NYAP2: variants seen among roughly 807,000 people sequenced by gnomAD.
NYAP2 encodes the protein neuronal tyrosine-phosphorylated phosphoinositide-3-kinase adapter 2.
In NYAP2, 23 loss-of-function variants were observed where a neutral mutation model predicts 50.4. The ratio of observed to expected loss-of-function variants is 0.46; its 90% CI spans 0.33 to 0.65. The LOEUF (loss-of-function observed/expected upper bound fraction) is 0.65. NYAP2 is among the 30% of genes least tolerant of loss of function. The probability of loss-of-function intolerance (pLI) is 0.02; values close to 1 mark genes in which losing one functional copy is unlikely to be tolerated. For synonymous variants in NYAP2, 394 were observed against 365.2 expected (o/e 1.08, Z -0.90); for missense variants, 885 against 861.0 (o/e 1.03, Z -0.35).
chr2:225,455,691 A>T (rs1381865182), intron 3 of NYAP2, among the ~76,000 whole-genome samples: 1 of 152,226 alleles, frequency 6.6e-6, no homozygotes. Context: ...AAGAATATGG[A>T]ATATTGACAT....
intron 3 of NYAP2, among the ~76,000 whole-genome samples, chr2:225,446,718 A>G (rs1326282513): frequency 1.3e-5 from 2 of 152,168 alleles, no homozygotes; most frequent in Admixed American, 6.5e-5. Context: ...CTTCAAAGCA[A>G]CTGTAATTTT....
At chr2:225,495,255 T>G (rs1041010557) in intron 3 of NYAP2, among the ~76,000 whole-genome samples, 1 of 152,106 alleles carries the variant, frequency 6.6e-6, no homozygotes, top group African/African-American at 2.4e-5. Flanking sequence ...CACTATGAAG[T>G]GAATTTGGGG....
chr2:225,684,787 G>A, the NYAP2 span, among the ~76,000 whole-genome samples: 9 of 152,118 alleles, frequency 5.9e-5, no homozygotes, highest in Non-Finnish European at 7.4e-5. Flanking sequence ...CCGGCCTCAG[G>A]TGATCTGCCC....
chr2:225,506,292 A>G (rs887699539), intron 3 of NYAP2, among the ~76,000 whole-genome samples: 4 of 152,176 alleles, frequency 2.6e-5, no homozygotes, highest in African/African-American at 9.6e-5. Context: ...TCTGGGGGTA[A>G]GTGAATGTGA....
chr2:225,586,472 A>AT (rs1441016032), intron 5 of NYAP2, among the ~76,000 whole-genome samples: 2 of 152,118 alleles, frequency 1.3e-5, no homozygotes, highest in Non-Finnish European at 2.9e-5. Flanking sequence ...CATTATTAAT[A>AT]TTTTTTAAAA....
At chr2:225,432,232 G>A (rs1050917002) in intron 3 of NYAP2, among the ~76,000 whole-genome samples, 8 of 146,078 alleles carry the variant, frequency 5.5e-5, no homozygotes, top group Non-Finnish European at 1.2e-4. Context: ...TCCTGACCTC[G>A]TGATCCACCC....
intron 4 of NYAP2, among the ~76,000 whole-genome samples, chr2:225,527,039 C>G (rs1405703311): frequency 6.6e-6 from 1 of 152,128 alleles, no homozygotes; most frequent in East Asian, 1.9e-4. Flanking sequence ...GTTTGCAAGT[C>G]AAGTCATCAT....
intron 4 of NYAP2, among the ~76,000 whole-genome samples, chr2:225,517,553 GTGAT>G (rs1690957749): frequency 6.6e-6 from 1 of 152,170 alleles, no homozygotes; most frequent in African/African-American, 2.4e-5. Context: ...TACCTTTAAA[GTGAT>G]TGTGAATAAC....
intron 3 of NYAP2, among the ~76,000 whole-genome samples, chr2:225,433,410 T>C (rs2106135342): frequency 6.6e-6 from 1 of 151,954 alleles, no homozygotes; most frequent in South Asian, 2.1e-4. Context: ...CTGAATTTCC[T>C]CCCTTTGCCA....
At chr2:225,691,224 G>A in the NYAP2 span, among the ~76,000 whole-genome samples, 1 of 151,820 alleles carries the variant, frequency 6.6e-6, no homozygotes, top group East Asian at 1.9e-4. Context: ...AAAGGGGCAG[G>A]TTATAAATAT....
rs1690846332 is a variant in NYAP2 at position 225,512,809 on chromosome 2, T to TTTCTC, written c.222-560_222-559insCTCTT. 1.9e-3 allele frequency among the ~76,000 whole-genome samples: 101 copies of TTTCTC among 51,826 alleles called. 5 individuals carry two copies. Among genetic ancestry groups the TTTCTC allele is most frequent in the African/African-American group, 7.2e-3 (94 of 13,020 alleles). 34.0% of individuals were successfully genotyped at this position (51,826 alleles called of 152,430 possible). On this transcript the variant is annotated intron_variant, in intron 3 of 6. Transcript: ENST00000636099. ...CTCTTTCCCTCCCTCCCTCTCTTTC[T>TTTCTC]TTTCTTTCTTTCTCTCTCTCTCTCT...
intron 3 of NYAP2, among the ~76,000 whole-genome samples, chr2:225,436,817 C>A (rs1689387074): frequency 6.7e-6 from 1 of 150,250 alleles, no homozygotes; most frequent in Admixed American, 6.6e-5. Context: ...ATTCTGCTTT[C>A]TTTGTCCCCA....
At chr2:225,486,546 G>T (rs1690301588) in intron 3 of NYAP2, among the ~76,000 whole-genome samples, 2 of 152,282 alleles carry the variant, frequency 1.3e-5, no homozygotes, top group South Asian at 2.1e-4. Context: ...CTTGATCTCT[G>T]CTTCCAAATC....
At chr2:225,597,767 T>C (rs1334604861) in intron 5 of NYAP2, among the ~76,000 whole-genome samples, 1 of 151,556 alleles carries the variant, frequency 6.6e-6, no homozygotes, top group Non-Finnish European at 1.5e-5. Flanking sequence ...CCTCATAGGA[T>C]TGTTGTGACA....
chr2:225,438,502 G>A (rs1007856387), intron 3 of NYAP2, among the ~76,000 whole-genome samples: 5 of 152,222 alleles, frequency 3.3e-5, no homozygotes, highest in African/African-American at 9.7e-5. Context: ...CTGTTCAATA[G>A]CACTTTGCGT....
At chr2:225,604,330 G>A (rs540265833) in intron 5 of NYAP2, among the ~76,000 whole-genome samples, 2 of 152,226 alleles carry the variant, frequency 1.3e-5, no homozygotes, top group South Asian at 4.1e-4. Context: ...GTGAACGCCT[G>A]GAAAATAAGA....
At chr2:225,641,580 C>T (rs142078842) in intron 6 of NYAP2, among the ~76,000 whole-genome samples, 19 of 151,918 alleles carry the variant, frequency 1.3e-4, no homozygotes, top group African/African-American at 3.4e-4. Context: ...TTTGGGAGGC[C>T]GAGGTGGGTG....
chr2:225,421,237 T>C (rs1695210099), intron 3 of NYAP2, among the ~76,000 whole-genome samples: 1 of 152,196 alleles, frequency 6.6e-6, no homozygotes, highest in South Asian at 2.1e-4. Context: ...CCTAGGATGC[T>C]TGTTACTAGA....
intron 5 of NYAP2, among the ~76,000 whole-genome samples, chr2:225,598,921 C>T (rs1160378834): frequency 6.6e-6 from 1 of 152,216 alleles, no homozygotes; most frequent in Non-Finnish European, 1.5e-5. Context: ...CCCTGACCTA[C>T]TTCCACGTGA....
Sources: gnomAD v4.1 joint callset for allele counts (sites outside exome capture counted in the v4.1 genomes callset) on GRCh38, gnomAD v4.1.1 for gene constraint, MANE v1.5 for transcripts, NCBI Gene and HGNC (gene_info 2026-07-23, HGNC 2026-07-21) for gene names.